ZNF544: variants seen among roughly 807,000 people sequenced by gnomAD.
ZNF544 encodes zinc finger protein AF020591.
ZNF544 carries 10 observed loss-of-function variants against 13.5 expected under a neutral mutation model. The ratio of observed to expected loss-of-function variants is 0.74; its 90% CI spans 0.46 to 1.25. The LOEUF (loss-of-function observed/expected upper bound fraction) is 1.25. Ranked by LOEUF, ZNF544 falls within the 50% of genes most tolerant of loss-of-function variation. The probability of loss-of-function intolerance (pLI) is 0.00; values close to 1 mark genes in which losing one functional copy is unlikely to be tolerated. For synonymous variants in ZNF544, 323 were observed against 300.5 expected (o/e 1.07, Z -0.77); for missense variants, 896 against 845.6 (o/e 1.06, Z -0.74).
intron 6 of ZNF544, among the ~76,000 whole-genome samples, chr19:58,253,980 GC>G (rs2046754552): frequency 6.6e-6 from 1 of 152,058 alleles, no homozygotes; most frequent in African/African-American, 2.4e-5. Flanking sequence ...GGTGGCTCAC[GC>G]CTGTAATCCC....
intron 6 of ZNF544, chr19:58,251,275 C>T (rs1306252419): frequency 1.9e-6 from 1 of 518,396 alleles, no homozygotes; most frequent in East Asian, 5.4e-5. Context: ...AGTTGGTAGG[C>T]TTTTACTTAT....
chr19:58,247,080 T>C (rs1454253808), intron 6 of ZNF544, among the ~76,000 whole-genome samples: 1 of 151,894 alleles, frequency 6.6e-6, no homozygotes, highest in African/African-American at 2.4e-5. Context: ...TTTTAATTAA[T>C]GTATGTATTT....
In ZNF544 at chr19:58,262,729, G is replaced by A. The variant is rs74863048; in HGVS notation, c.2123G>A (p.Arg708Gln). ...CAATCTCAACTTGTAGTGCATCGGC[G>A]GACACATACTGGAGAGAAACCTTAG... ...RQQSQLVVHRRTHTGEKP is the reference protein window; with the variant it reads ...RQQSQLVVHRQTHTGEKP Residue 708 changes from arginine (R) to glutamine (Q), a missense_variant, in exon 7 of 7, where the codon CGG becomes CAG. By Grantham distance (43) the Arg-to-Gln change is conservative (BLOSUM62 1). Transcript: ENST00000687789. 6.2e-5 allele frequency: 100 copies of A among 1,605,572 alleles called. 1 individual carries two copies. The highest frequency in any genetic ancestry group is 2.1e-4 in the African/African-American group (16 of 74,870).
Position 58,262,422 on chromosome 19 carries a change from T to C in ZNF544, c.1816T>C (p.Cys606Arg). ...RTHTGEKPYE[C>R]NECGKAFNRS... ...TCACACTGGAGAAAAGCCCTATGAATGTAACGAGTGTGGAAAAGCCTTCAA... is the reference window on the plus strand; with the variant it reads ...TCACACTGGAGAAAAGCCCTATGAACGTAACGAGTGTGGAAAAGCCTTCAA... The change falls in exon 7 of 7, where the codon TGT becomes CGT. Residue 606 changes from cysteine to arginine, a missense_variant. Cys to Arg is a radical substitution (Grantham distance 180). Transcript: ENST00000687789. 6.2e-7 allele frequency: 1 copy of C among 1,614,174 alleles called. No homozygotes were observed. Among genetic ancestry groups the C allele is most frequent in the Non-Finnish European group, 8.5e-7 (1 of 1,180,028 alleles).
At chr19:58,246,473 A>G (rs752255384) in intron 5 of ZNF544, 46 bp downstream of exon 5, 1 of 1,607,736 alleles carries the variant, frequency 6.2e-7, no homozygotes, top group East Asian at 2.2e-5. Flanking sequence ...CTAGGACTCA[A>G]AGCTGTACCA....
At chr19:58,229,415 C>A (rs2040715420) in intron 1 of ZNF544, 53 bp from the exon 2 acceptor site, 1 of 152,194 alleles carries the variant, frequency 6.6e-6, no homozygotes, top group African/African-American at 2.4e-5. Context: ...CCCAGCGGGC[C>A]TCTCCCGGCT....
At chr19:58,258,596 G>A (rs2048203357) in intron 6 of ZNF544, 1 of 146,426 alleles carries the variant, frequency 6.8e-6, no homozygotes, top group Non-Finnish European at 1.5e-5. Context: ...TGGGTGTGAG[G>A]GCACCACGTG....
At chr19:58,244,506 T>C (rs78293168) in intron 4 of ZNF544, among the ~76,000 whole-genome samples, 11,547 of 151,990 alleles carry the variant, frequency 0.076, 917 homozygotes, top group African/African-American at 0.19. Context: ...CAGACAGCCG[T>C]TGTCCGACTG....
chr19:58,269,296 A>G (rs1039188860), intron 5 of ZNF544, among the ~76,000 whole-genome samples: 11 of 152,026 alleles, frequency 7.2e-5, no homozygotes, highest in Non-Finnish European at 1.5e-4. Flanking sequence ...TTAGCCAGGC[A>G]TGGTGGCAGC....
At chr19:58,272,735 T>C (rs1568516173) in intron 5 of ZNF544, among the ~76,000 whole-genome samples, 1 of 150,328 alleles carries the variant, frequency 6.7e-6, no homozygotes, top group Non-Finnish European at 1.5e-5. Context: ...GACGTGGTGG[T>C]GCGTGCCTGT....
In ZNF544 at chr19:58,261,372, T is replaced by C. The variant is rs545196098; in HGVS notation, c.766T>C (p.Ser256Pro). The C allele has an allele frequency of 2.2e-5, 35 of 1,614,214 alleles. No individual in the cohort carries two copies. Among genetic ancestry groups the C allele is most frequent in the East Asian group, 1.8e-4 (8 of 44,888 alleles). ...TGGTGACTCTCTCAACTATGGTTCC[T>C]CCCTTTGTTTTCATGGTAGAACTTT... is the stretch of plus-strand genomic sequence containing the variant. ...VSGDSLNYGSSLCFHGRTFSV... is the reference protein window; with the variant it reads ...VSGDSLNYGSPLCFHGRTFSV... The change falls in exon 7 of 7, where the codon TCC (serine) becomes CCC (proline). Residue 256 changes from serine (S) to proline (P), a missense_variant. Physicochemically the swap from Ser to Pro is moderately conservative, Grantham distance 74. Coordinates refer to ENST00000687789, the MANE Select transcript of ZNF544 (RefSeq NM_014480.4).
At chr19:58,258,324 T>A (rs2048009924) in intron 6 of ZNF544, 1 of 152,612 alleles carries the variant, frequency 6.6e-6, no homozygotes, top group African/African-American at 2.4e-5. Context: ...CCACAGTGAT[T>A]CCCCAGAGGA....
At chr19:58,276,256 C>A in intron 5 of ZNF544, 1 of 810,808 alleles carries the variant, frequency 1.2e-6, no homozygotes, top group East Asian at 3.4e-5. Context: ...GCCCCTACCT[C>A]TCCAACACTG....
At chr19:58,248,986 C>G (rs1403988625) in intron 6 of ZNF544, among the ~76,000 whole-genome samples, 1 of 152,144 alleles carries the variant, frequency 6.6e-6, no homozygotes, top group Non-Finnish European at 1.5e-5. Flanking sequence ...AGTGAAGTTA[C>G]AAAGTTACAC....
At chr19:58,263,704 T>A, downstream of ZNF544, 1 of 475,164 alleles carries the variant, frequency 2.1e-6, no homozygotes, top group Non-Finnish European at 2.8e-6. Flanking sequence ...CTCATGCCTG[T>A]AATCCCAGCA....
At chr19:58,245,298 GTTT>G in intron 4 of ZNF544, among the ~76,000 whole-genome samples, 1 of 135,706 alleles carries the variant, frequency 7.4e-6, no homozygotes, top group Non-Finnish European at 1.6e-5. Context: ...TGTTTGTGGG[GTTT>G]TTTTTTTTTT....
At chr19:58,252,905 T>G (rs764990352) in intron 6 of ZNF544, among the ~76,000 whole-genome samples, 11 of 152,136 alleles carry the variant, frequency 7.2e-5, no homozygotes, top group Non-Finnish European at 1.3e-4. Flanking sequence ...CTGCAACCTC[T>G]GACTCCCTGG....
At chr19:58,242,911 G>T (rs2044214182) in intron 3 of ZNF544, among the ~76,000 whole-genome samples, 1 of 152,106 alleles carries the variant, frequency 6.6e-6, no homozygotes. Context: ...TGGCCAGGCT[G>T]GTCTTGAACT....
Position 58,261,792 on chromosome 19 carries a change from G to T in ZNF544, c.1186G>T (p.Val396Phe). ...ATCTTTTAGCCAGAGCTATGACCTT[G>T]TCATACATCAGAGGACACACACTGG... ...GKSFSQSYDL[V>F]IHQRTHTGEK... The change falls in exon 7 of 7, where the codon GTC becomes TTC. Residue 396 changes from valine (V) to phenylalanine (F), a missense_variant. Val to Phe is a conservative substitution (Grantham distance 50). Transcript: ENST00000687789. 1 of 1,613,982 alleles carries T rather than the reference G, an allele frequency of 6.2e-7. No individual in the cohort carries two copies.
Sources: gnomAD v4.1 joint callset for allele counts (sites outside exome capture counted in the v4.1 genomes callset) on GRCh38, gnomAD v4.1.1 for gene constraint, MANE v1.5 for transcripts, NCBI Gene and HGNC (gene_info 2026-07-23, HGNC 2026-07-21) for gene names.